The following TATDN2 variants were observed in gnomAD, a reference collection of about 807,000 sequenced individuals.
TATDN2 encodes TatD DNase domain containing 2, also known as 3'-5' RNA nuclease TATDN2.
Under a neutral mutation model 60.3 loss-of-function variants are expected in TATDN2, and 44 were observed. The observed-to-expected ratio is 0.73, with a 90% CI of 0.57 to 0.94. The LOEUF (loss-of-function observed/expected upper bound fraction) is 0.94, where lower values mean the gene tolerates loss of function less well. TATDN2 is among the 40% of genes least tolerant of loss of function. The probability of loss-of-function intolerance (pLI) is 0.00; values close to 1 mark genes in which losing one functional copy is unlikely to be tolerated. For missense variants in TATDN2, 997 were observed against 948.0 expected, an observed-to-expected ratio of 1.05 and a Z score of -0.68; for synonymous variants, 399 against 355.8, an observed-to-expected ratio of 1.12 and a Z score of -1.37.
chr3:10,276,819 C>T (rs1180412368), intron 5 of TATDN2, among the ~76,000 whole-genome samples: 1 of 152,230 alleles, frequency 6.6e-6, no homozygotes, highest in Non-Finnish European at 1.5e-5. Context: ...GAACTCCTGA[C>T]CTCGTGATCT....
In TATDN2 at chr3:10,260,403, T is replaced by G. The variant is rs1559460990; in HGVS notation, c.681T>G (p.Ser227Arg). 3.1e-6 allele frequency: 5 copies of G among 1,612,194 alleles called. No individual in the cohort carries two copies. The highest frequency in any genetic ancestry group is 1.1e-5 in the South Asian group (1 of 90,880). Residue 227 changes from serine to arginine, a missense_variant, in exon 3 of 8, where the codon AGT becomes AGG. Coordinates refer to ENST00000448281, the MANE Select transcript of TATDN2 (RefSeq NM_014760.4). ...HPSHGEGPAR[S>R]EGPAKTAEGA... ...GCCATGGAGAAGGACCAGCCAGGAG[T>G]GAAGGACCAGCCAAGACTGCAGAAG...
chr3:10,250,732 A>G (rs1698222976), intron 2 of TATDN2, among the ~76,000 whole-genome samples: 1 of 152,202 alleles, frequency 6.6e-6, no homozygotes, highest in South Asian at 2.1e-4. Flanking sequence ...TTAAATTCAC[A>G]AATAACAGTG....
intron 2 of TATDN2, among the ~76,000 whole-genome samples, chr3:10,258,853 A>G (rs1342287927): frequency 1.3e-5 from 2 of 150,722 alleles, no homozygotes; most frequent in Non-Finnish European, 2.9e-5. Flanking sequence ...GTTTGCGAAT[A>G]TATACATATA....
intron 4 of TATDN2, among the ~76,000 whole-genome samples, chr3:10,271,323 A>G (rs1698560434): frequency 6.6e-6 from 1 of 152,026 alleles, no homozygotes; most frequent in African/African-American, 2.4e-5. Context: ...TTCTTAATTG[A>G]TTTTTTGAGA....
intron 2 of TATDN2, among the ~76,000 whole-genome samples, chr3:10,250,805 G>T (rs1698224375): frequency 6.6e-6 from 1 of 152,182 alleles, no homozygotes; most frequent in African/African-American, 2.4e-5. Flanking sequence ...GTAAGTATGG[G>T]ACTTTGCTCA....
Position 10,260,643 on chromosome 3 carries a change from C to T in TATDN2, c.921C>T (p.Asp307=). 2.5e-6 allele frequency: 4 copies of T among 1,613,486 alleles called. No homozygotes were observed. The highest frequency in any genetic ancestry group is 3.4e-6 in the Non-Finnish European group (4 of 1,179,742). Residue 307 remains aspartate (D), a synonymous_variant, in exon 3 of 8, where the codon GAC becomes GAT. Transcript: ENST00000448281. ...CTCCACCCCTAGAGTTCTTGGATGA[C>T]TCTGACTCTCATTTAGAAATCCAAA... ...KCSPPLEFLD[D]SDSHLEIQKH...
At position 10,270,469 on chromosome 3, in the gene TATDN2, C is replaced by G; in HGVS notation, c.1287C>G (p.Asn429Lys). 1 of 1,614,238 alleles carries G rather than the reference C, an allele frequency of 6.2e-7. No homozygotes were observed. The highest frequency in any genetic ancestry group is 8.5e-7 in the Non-Finnish European group (1 of 1,180,044). Residue 429 changes from asparagine (N) to lysine (K), a missense_variant, in exon 4 of 8, where the codon AAC (asparagine) becomes AAG (lysine). Transcript: ENST00000448281. ...YSPNSTGSVQ[N>K]TSRDMEASEE... Reference sequence around the variant, plus strand: ...CCAACTCTACAGGGAGTGTCCAAAACACCTCCAGAGACATGGAGGCCTCAG... The same window carrying G: ...CCAACTCTACAGGGAGTGTCCAAAAGACCTCCAGAGACATGGAGGCCTCAG...
chr3:10,276,720 C>G (rs1385860019), intron 5 of TATDN2, among the ~76,000 whole-genome samples: 1 of 152,110 alleles, frequency 6.6e-6, no homozygotes, highest in Non-Finnish European at 1.5e-5. Flanking sequence ...TCCTGAGTAG[C>G]TGGGATTACC....
At position 10,272,516 on chromosome 3, in the gene TATDN2, G is replaced by A. The variant is rs1698581589; in HGVS notation, c.1833+1501G>A. Among the ~76,000 whole-genome samples the A allele has an allele frequency of 2.6e-5, 4 of 151,358 alleles. No individual in the cohort carries two copies. The South Asian group carries it at 8.3e-4, about 32-fold the overall frequency. On this transcript the variant is annotated intron_variant, in intron 4 of 7. Transcript: ENST00000448281. ...TGCAATCGCATGATATTGGCTCACT[G>A]CAGCCTCCAGTTCCCAGGTTCAAGC...
Position 10,254,096 on chromosome 3 carries a change from C to T in TATDN2, c.414+4482C>T, listed in dbSNP as rs113207620. 6.1e-3 allele frequency among the ~76,000 whole-genome samples: 932 copies of T among 152,336 alleles called. 19 individuals are homozygous for T. Among genetic ancestry groups the T allele is most frequent in the South Asian group, 0.057 (273 of 4,828 alleles). On this transcript the variant is annotated intron_variant, in intron 2 of 7. Coordinates refer to ENST00000448281, the MANE Select transcript of TATDN2 (RefSeq NM_014760.4). ...TTGAGTGATAGAGCTTTTGCACATC[C>T]CCTTTCCTGCATCTCCACTTGGCAC...
rs144323086 is a variant in TATDN2 at position 10,252,957 on chromosome 3, C to T, written c.414+3343C>T. On this transcript the variant is annotated intron_variant, in intron 2 of 7. Coordinates refer to ENST00000448281, the MANE Select transcript of TATDN2 (RefSeq NM_014760.4). ...CTGCAAGCTCCGCCTCCCGGGTTCA[C>T]GCCATTCTCCTTCCTCAGCCTCCCC... Among the ~76,000 whole-genome samples, 13 of 151,130 alleles carry T rather than the reference C, an allele frequency of 8.6e-5. No homozygotes were observed. In the East Asian group the frequency reaches 2.3e-3, roughly 27 times the overall value.
chr3:10,250,095 A>G (rs1698198773), intron 2 of TATDN2, among the ~76,000 whole-genome samples: 1 of 151,652 alleles, frequency 6.6e-6, no homozygotes, highest in African/African-American at 2.4e-5. Context: ...AGAACCAAGA[A>G]TTGCGGTTCT....
At chr3:10,263,991 G>A (rs1698443497) in intron 3 of TATDN2, among the ~76,000 whole-genome samples, 1 of 152,166 alleles carries the variant, frequency 6.6e-6, no homozygotes, top group South Asian at 2.1e-4. Context: ...GCTGGGTAGC[G>A]AAAGGGGCGG....
intron 5 of TATDN2, 103 bp downstream of exon 5, chr3:10,276,591 C>CTT (rs796762547): frequency 1.9e-3 from 2,068 of 1,095,816 alleles, no homozygotes; most frequent in South Asian, 2.8e-3. Context: ...ACTATCTATT[C>CTT]TTTTTTTTTT....
rs759229012 is a variant in TATDN2 at position 10,249,448 on chromosome 3, CCTT to C, written c.251_253del (p.Phe84del). 239 of 1,613,938 alleles carry C rather than the reference CCTT, an allele frequency of 1.5e-4. No individual in the cohort carries two copies. Among genetic ancestry groups the C allele is most frequent in the Non-Finnish European group, 1.8e-4 (212 of 1,179,996 alleles). ...CGCCGCAGAAATAACTCCTCCTCCT[CCTT>C]CTCCCCACATTTCTTGGGCCCTGGT... On this transcript the variant is annotated inframe_deletion, in exon 2 of 8. Transcript: ENST00000448281.
intron 5 of TATDN2, among the ~76,000 whole-genome samples, chr3:10,277,961 G>T (rs1380916562): frequency 6.6e-6 from 1 of 152,094 alleles, no homozygotes. Flanking sequence ...AGGGGCCACA[G>T]TTGTTGATTT....
intron 3 of TATDN2, among the ~76,000 whole-genome samples, chr3:10,260,977 G>A (rs557373350): frequency 6.6e-6 from 1 of 152,050 alleles, no homozygotes; most frequent in African/African-American, 2.4e-5. Flanking sequence ...AAGAAGGATG[G>A]CTCCATCATG....
intron 2 of TATDN2, among the ~76,000 whole-genome samples, chr3:10,255,136 A>G (rs1414879737): frequency 6.0e-5 from 9 of 150,266 alleles, no homozygotes; most frequent in Non-Finnish European, 1.0e-4. Flanking sequence ...CAGCCTCCCA[A>G]GTAGCTGGGA....
At chr3:10,273,751 G>T (rs2125180496) in intron 4 of TATDN2, among the ~76,000 whole-genome samples, 1 of 152,312 alleles carries the variant, frequency 6.6e-6, no homozygotes, top group Non-Finnish European at 1.5e-5. Context: ...GAAAGAATGG[G>T]TAGTTATAGT....
Sources: allele counts gnomAD v4.1 joint callset (sites outside exome capture counted in the v4.1 genomes callset), GRCh38; gene constraint gnomAD v4.1.1; transcripts MANE v1.5; gene names NCBI Gene and HGNC (gene_info 2026-07-23, HGNC 2026-07-21).